ZNF804A: variants seen among roughly 807,000 people sequenced by gnomAD.
ZNF804A encodes zinc finger protein 804A.
ZNF804A carries 2 observed loss-of-function variants against 16.5 expected under a neutral mutation model. The observed-to-expected ratio is 0.12, with a 90% CI of 0.05 to 0.38. The LOEUF (loss-of-function observed/expected upper bound fraction) is 0.38, where lower values mean the gene tolerates loss of function less well. Ranked by LOEUF, ZNF804A falls within the 10% of genes least tolerant of loss-of-function variation. The pLI is 0.99. For missense variants in ZNF804A, 1,473 were observed against 1,390.7 expected (o/e 1.06, Z -0.94); for synonymous variants, 534 against 489.6 (o/e 1.09, Z -1.20).
chr2:184,697,122 T>C, intron 1 of ZNF804A, among the ~76,000 whole-genome samples: 1 of 152,050 alleles, frequency 6.6e-6, no homozygotes, highest in Non-Finnish European at 1.5e-5. Flanking sequence ...ATATTTTAAA[T>C]TAATTATAGC....
intron 1 of ZNF804A, among the ~76,000 whole-genome samples, chr2:184,737,064 G>GT (rs141482019): frequency 0.043 from 6,240 of 144,324 alleles, 371 homozygotes; most frequent in African/African-American, 0.13. Context: ...TTTGTTTTTT[G>GT]TTTTTTTTTT....
intron 1 of ZNF804A, among the ~76,000 whole-genome samples, chr2:184,846,256 C>T (rs975754672): frequency 3.9e-5 from 6 of 152,060 alleles, no homozygotes; most frequent in African/African-American, 9.7e-5. Context: ...ACAGGACCAC[C>T]AGTGAGACAA....
intron 1 of ZNF804A, among the ~76,000 whole-genome samples, chr2:184,837,608 CT>C (rs918321059): frequency 1.2e-4 from 19 of 152,012 alleles, no homozygotes; most frequent in African/African-American, 3.9e-4. Flanking sequence ...AATAACAGCA[CT>C]TTTTTACAGA....
chr2:184,670,792 CTTTAAT>C (rs1051170594), intron 1 of ZNF804A, among the ~76,000 whole-genome samples: 1 of 151,626 alleles, frequency 6.6e-6, no homozygotes, highest in Non-Finnish European at 1.5e-5. Context: ...GAGTGTTTTT[CTTTAAT>C]TTTGATTATT....
At chr2:184,913,859 G>A (rs548074224) in intron 2 of ZNF804A, among the ~76,000 whole-genome samples, 4 of 152,062 alleles carry the variant, frequency 2.6e-5, no homozygotes, top group Non-Finnish European at 4.4e-5. Context: ...AGATTCTCAG[G>A]TCACATTCTT....
intron 1 of ZNF804A, among the ~76,000 whole-genome samples, chr2:184,614,621 C>T (rs1410845178): frequency 6.6e-6 from 1 of 152,062 alleles, no homozygotes; most frequent in Non-Finnish European, 1.5e-5. Context: ...TGGATGATAA[C>T]TTATGTGGTA....
chr2:184,875,005 T>A (rs1447335159), intron 2 of ZNF804A, among the ~76,000 whole-genome samples: 1 of 152,198 alleles, frequency 6.6e-6, no homozygotes, highest in Non-Finnish European at 1.5e-5. Context: ...ATCTCAATAT[T>A]CTAGGATGGT....
intron 2 of ZNF804A, among the ~76,000 whole-genome samples, chr2:184,915,269 G>A (rs1262746977): frequency 1.3e-5 from 2 of 151,752 alleles, no homozygotes; most frequent in African/African-American, 2.4e-5. Context: ...AAAAATATTT[G>A]CATTTAAAAA....
intron 1 of ZNF804A, among the ~76,000 whole-genome samples, chr2:184,833,382 C>T (rs1019220704): frequency 1.3e-5 from 2 of 152,000 alleles, no homozygotes; most frequent in African/African-American, 2.4e-5. Context: ...GAAATATTTG[C>T]ATTACCCAAA....
At chr2:184,758,532 G>A (rs1693993478) in intron 1 of ZNF804A, among the ~76,000 whole-genome samples, 1 of 151,884 alleles carries the variant, frequency 6.6e-6, no homozygotes, top group Non-Finnish European at 1.5e-5. Context: ...AGGATTTCAA[G>A]CATATTGTCT....
intron 1 of ZNF804A, among the ~76,000 whole-genome samples, chr2:184,719,278 T>C (rs186038060): frequency 1.3e-5 from 2 of 151,826 alleles, no homozygotes; most frequent in African/African-American, 4.8e-5. Flanking sequence ...GCCCCACCCA[T>C]GAAACCATTT....
intron 1 of ZNF804A, among the ~76,000 whole-genome samples, chr2:184,608,229 G>A (rs539210419): frequency 6.4e-4 from 97 of 152,254 alleles, no homozygotes; most frequent in African/African-American, 2.2e-3. Flanking sequence ...ACAGGCGTGA[G>A]CCACCGCGCC....
At chr2:184,602,593 T>C (rs1691067189) in intron 1 of ZNF804A, among the ~76,000 whole-genome samples, 1 of 152,042 alleles carries the variant, frequency 6.6e-6, no homozygotes, top group African/African-American at 2.4e-5. Context: ...TATTTCTGTA[T>C]ACTACATATT....
intron 1 of ZNF804A, among the ~76,000 whole-genome samples, chr2:184,828,411 T>C (rs148134631): frequency 6.6e-6 from 1 of 151,980 alleles, no homozygotes; most frequent in East Asian, 1.9e-4. Context: ...ATTGTCTCCA[T>C]GTTTCCAAAA....
chr2:184,622,567 A>G (rs529672576), intron 1 of ZNF804A, among the ~76,000 whole-genome samples: 1 of 151,878 alleles, frequency 6.6e-6, no homozygotes, highest in East Asian at 1.9e-4. Flanking sequence ...ATTGAAACCA[A>G]TTTATGCCAT....
chr2:184,701,883 A>G (rs1211187386), intron 1 of ZNF804A, among the ~76,000 whole-genome samples: 1 of 151,994 alleles, frequency 6.6e-6, no homozygotes, highest in Admixed American at 6.6e-5. Flanking sequence ...TTGCATTAAT[A>G]TTAAGACTCT....
chr2:184,933,582 T>G, intron 2 of ZNF804A, 21 bp from the exon 3 acceptor site: 1 of 1,570,558 alleles, frequency 6.4e-7, no homozygotes, highest in Non-Finnish European at 8.6e-7. Context: ...AATTAATCAT[T>G]TTCCAACTTT....
chr2:184,751,324 CA>C (rs1241022825), intron 1 of ZNF804A, among the ~76,000 whole-genome samples: 1 of 151,228 alleles, frequency 6.6e-6, no homozygotes, highest in African/African-American at 2.4e-5. Flanking sequence ...TATCCACATG[CA>C]AAAAACTTAA....
intron 1 of ZNF804A, among the ~76,000 whole-genome samples, chr2:184,855,510 T>G (rs575640182): frequency 3.3e-5 from 5 of 152,006 alleles, no homozygotes; most frequent in African/African-American, 9.7e-5. Flanking sequence ...CAAATGTGAC[T>G]TCATGAATTC....
Sources: allele counts gnomAD v4.1 joint callset (sites outside exome capture counted in the v4.1 genomes callset), GRCh38; gene constraint gnomAD v4.1.1; transcripts MANE v1.5; gene names NCBI Gene and HGNC (gene_info 2026-07-23, HGNC 2026-07-21).